TSHR: variants seen among roughly 807,000 people sequenced by gnomAD.
TSHR encodes thyrotropin receptor.
A neutral mutation model predicts 64.1 loss-of-function variants in TSHR; 51 were observed. The observed-to-expected ratio is 0.80, with a 90% CI of 0.64 to 1.01. The LOEUF is 1.01. Ranked by LOEUF, TSHR falls within the 50% of genes least tolerant of loss-of-function variation. The pLI, the probability that TSHR is intolerant of heterozygous loss-of-function variation, is 0.00. For synonymous variants in TSHR, 361 were observed against 361.9 expected, an observed-to-expected ratio of 1.00 and a Z score of 0.03; for missense variants, 877 against 942.8, an observed-to-expected ratio of 0.93 and a Z score of 0.91.
chr14:80,957,641 C>T (rs748202562), intron 1 of TSHR, among the ~76,000 whole-genome samples: 3 of 152,116 alleles, frequency 2.0e-5, no homozygotes, highest in Admixed American at 1.3e-4. Flanking sequence ...TGAAAAGGAA[C>T]TCGTAGACAT....
At chr14:81,064,744 A>G (rs976417646) in intron 2 of TSHR, among the ~76,000 whole-genome samples, 8 of 152,126 alleles carry the variant, frequency 5.3e-5, no homozygotes, top group Non-Finnish European at 7.4e-5. Flanking sequence ...CACTCAGGGG[A>G]GAGATTCAGG....
At chr14:81,011,841 A>G (rs1267573643) in intron 1 of TSHR, among the ~76,000 whole-genome samples, 2 of 151,662 alleles carry the variant, frequency 1.3e-5, no homozygotes, top group Non-Finnish European at 2.9e-5. Flanking sequence ...GACTGGCGAC[A>G]GAGGGAGACT....
At chr14:80,993,547 T>C (rs1370108402) in intron 1 of TSHR, 1 of 152,234 alleles carries the variant, frequency 6.6e-6, no homozygotes, top group Non-Finnish European at 1.5e-5. Context: ...TATACATTTA[T>C]TTATAAATTC....
chr14:81,105,825 T>C (rs907945025), intron 7 of TSHR, among the ~76,000 whole-genome samples: 101 of 152,328 alleles, frequency 6.6e-4, no homozygotes, highest in African/African-American at 2.3e-3. Flanking sequence ...TTCAACAGCC[T>C]GGGAACAGAA....
In TSHR at chr14:81,146,243, T is replaced by C. The variant is rs1481675086; in HGVS notation, c.*1890T>C. On this transcript the variant is annotated 3_prime_UTR_variant, in exon 10 of 10. Coordinates refer to ENST00000298171, the MANE Select transcript of TSHR (RefSeq NM_000369.5). The stretch of plus-strand genomic sequence containing the variant: ...TCCTAGAAAAGTGACTTCAACAGAA[T>C]TGTTACTAAAATTTGCACTCACAAC... The C allele has an allele frequency of 4.8e-6, 1 of 209,096 alleles. No homozygotes were observed. The highest frequency in any genetic ancestry group is 7.2e-5 in the East Asian group (1 of 13,818). The allele number at this position is 209,096 out of a possible 1,614,324, so 13.0% of individuals were successfully genotyped here. A position where few individuals can be genotyped will look rare whatever the true frequency, so the allele number is the denominator to read the frequency against.
intron 1 of TSHR, chr14:81,001,599 A>C: frequency 1.9e-6 from 1 of 524,306 alleles, no homozygotes; most frequent in South Asian, 1.4e-5. Context: ...GGCACTACCA[A>C]CTCCCCCATT....
At chr14:81,043,587 T>G (rs1189432974) in intron 1 of TSHR, among the ~76,000 whole-genome samples, 2 of 152,098 alleles carry the variant, frequency 1.3e-5, no homozygotes, top group East Asian at 3.9e-4. Context: ...AAAAACTATT[T>G]TAAAATTAAT....
chr14:81,088,064 G>T (rs1179381974), intron 4 of TSHR, 36 bp downstream of exon 4: 4 of 1,508,136 alleles, frequency 2.7e-6, no homozygotes, highest in South Asian at 1.1e-5. Flanking sequence ...TACTTTTCTG[G>T]GGGGAGGGGG....
chr14:81,022,904 A>AGATTACT (rs1484006797), intron 1 of TSHR, among the ~76,000 whole-genome samples: 1 of 152,044 alleles, frequency 6.6e-6, no homozygotes, highest in Non-Finnish European at 1.5e-5. Context: ...CTTATTAAGG[A>AGATTACT]GATTACTGCC....
chr14:81,065,302 A>C (rs1886533111), intron 2 of TSHR, among the ~76,000 whole-genome samples: 1 of 152,190 alleles, frequency 6.6e-6, no homozygotes, highest in African/African-American at 2.4e-5. Context: ...AGTTGTAGGA[A>C]AAGATGGGAC....
At chr14:80,968,655 G>A (rs1887438582) in intron 1 of TSHR, among the ~76,000 whole-genome samples, 1 of 152,184 alleles carries the variant, frequency 6.6e-6, no homozygotes, top group Non-Finnish European at 1.5e-5. Context: ...TGAAAGCTTA[G>A]TTGCCTTGTT....
chr14:81,074,058 TA>T, intron 3 of TSHR, among the ~76,000 whole-genome samples: 1 of 152,298 alleles, frequency 6.6e-6, no homozygotes, highest in Non-Finnish European at 1.5e-5. Flanking sequence ...AGTTGTTATT[TA>T]TAAGTTTTTT....
intron 4 of TSHR, among the ~76,000 whole-genome samples, chr14:81,090,862 A>C (rs1888676526): frequency 2.0e-5 from 3 of 152,204 alleles, no homozygotes; most frequent in Admixed American, 2.0e-4. Flanking sequence ...GGACTGGATT[A>C]AATTATTATG....
chr14:81,137,908 A>G (rs747016271), intron 8 of TSHR, among the ~76,000 whole-genome samples: 3 of 152,218 alleles, frequency 2.0e-5, no homozygotes, highest in Non-Finnish European at 4.4e-5. Context: ...ACGTGAAAGC[A>G]TCACTGGGAA....
Position 81,088,665 on chromosome 14 carries a change from C to T in TSHR, c.392+637C>T, listed in dbSNP as rs148800385. Among the ~76,000 whole-genome samples, 13 of 152,160 alleles carry T rather than the reference C, an allele frequency of 8.5e-5. 1 individual carries two copies. In the East Asian group the frequency reaches 2.3e-3, roughly 27 times the overall value. ...TGTATGACCTCAGGCCCCCTGGATA[C>T]CAGGTGGAAGAGTCCTTTTTCCTAC... On this transcript the variant is annotated intron_variant, in intron 4 of 9. Transcript: ENST00000298171.
intron 1 of TSHR, chr14:80,983,360 G>T: frequency 9.1e-7 from 1 of 1,097,260 alleles, no homozygotes; most frequent in Non-Finnish European, 1.3e-6. Context: ...TGCCATCCTT[G>T]AGAAAGTACA....
intron 8 of TSHR, among the ~76,000 whole-genome samples, chr14:81,123,448 T>C (rs891119842): frequency 3.3e-5 from 5 of 152,250 alleles, no homozygotes; most frequent in African/African-American, 1.2e-4. Context: ...CTTATACTTT[T>C]TATAACCTTC....
intron 1 of TSHR, among the ~76,000 whole-genome samples, chr14:81,002,377 C>T (rs1889367227): frequency 6.6e-6 from 1 of 152,062 alleles, no homozygotes; most frequent in African/African-American, 2.4e-5. Context: ...TGTGATTTTG[C>T]TCTGTTTACT....
At chr14:80,976,952 C>T (rs975662073) in intron 1 of TSHR, among the ~76,000 whole-genome samples, 1 of 152,220 alleles carries the variant, frequency 6.6e-6, no homozygotes, top group Non-Finnish European at 1.5e-5. Context: ...CATGATGATA[C>T]CCCACCATGG....
Sources: allele counts gnomAD v4.1 joint callset (sites outside exome capture counted in the v4.1 genomes callset), GRCh38; gene constraint gnomAD v4.1.1; transcripts MANE v1.5; gene names NCBI Gene and HGNC (gene_info 2026-07-23, HGNC 2026-07-21).